The following LRRTM4 variants were observed in gnomAD, a reference collection of about 807,000 sequenced individuals.
LRRTM4 encodes the protein leucine rich repeat transmembrane neuronal 4.
LRRTM4 carries 25 observed loss-of-function variants against 47.6 expected under a neutral mutation model. The observed-to-expected ratio is 0.53, with a 90% confidence interval of 0.38 to 0.73. LRRTM4 has a LOEUF of 0.73. LRRTM4 is among the 30% of genes least tolerant of loss of function. LRRTM4 has a pLI of 0.00. For missense variants in LRRTM4, 638 were observed against 713.4 expected (o/e 0.89, Z 1.20); for synonymous variants, 311 against 269.5 (o/e 1.15, Z -1.51).
chr2:76,776,125 T>C (rs557970442), intron 3 of LRRTM4, among the ~76,000 whole-genome samples: 12 of 152,240 alleles, frequency 7.9e-5, no homozygotes, highest in Non-Finnish European at 1.6e-4. Flanking sequence ...CCACGGTGTA[T>C]ATGTCCCACA....
chr2:76,866,317 C>T (rs1163473445), intron 3 of LRRTM4, among the ~76,000 whole-genome samples: 1 of 152,166 alleles, frequency 6.6e-6, no homozygotes, highest in Non-Finnish European at 1.5e-5. Context: ...TTGAAGAGCT[C>T]GCCTACATGA....
Position 76,904,438 on chromosome 2 carries a change from C to A in LRRTM4, c.1552-155522G>T, listed in dbSNP as rs114749399. Among the ~76,000 whole-genome samples the A allele has an allele frequency of 5.3e-5, 8 of 152,244 alleles. No homozygotes were observed. In the South Asian group the frequency reaches 8.3e-4, roughly 16 times the overall value. The stretch of plus-strand genomic sequence containing the variant: ...AGGCATGTCCTATATACTGACTTTA[C>A]GCTTTACAATTCCATATATTATTAT... On this transcript the variant is annotated intron_variant, in intron 3 of 3. Coordinates refer to ENST00000409884, the MANE Select transcript of LRRTM4 (RefSeq NM_001134745.3).
intron 3 of LRRTM4, among the ~76,000 whole-genome samples, chr2:76,883,939 C>T (rs1391041234): frequency 6.6e-6 from 1 of 151,904 alleles, no homozygotes; most frequent in Non-Finnish European, 1.5e-5. Context: ...CTGCCTCAGC[C>T]TCCCTGGAAG....
At chr2:76,756,169 T>C (rs1442924306) in intron 3 of LRRTM4, among the ~76,000 whole-genome samples, 1 of 152,184 alleles carries the variant, frequency 6.6e-6, no homozygotes, top group Non-Finnish European at 1.5e-5. Context: ...TGATAATTGG[T>C]AGACTTCTTT....
intron 3 of LRRTM4, among the ~76,000 whole-genome samples, chr2:77,147,654 A>G (rs6723219): frequency 0.065 from 9,967 of 152,210 alleles, 784 homozygotes; most frequent in East Asian, 0.18. Context: ...AACATTATTA[A>G]AAGAAAAGTC....
At chr2:77,267,338 T>C (rs1164506748) in intron 3 of LRRTM4, among the ~76,000 whole-genome samples, 1 of 152,170 alleles carries the variant, frequency 6.6e-6, no homozygotes, top group Non-Finnish European at 1.5e-5. Context: ...GGCCCTCTAG[T>C]ATAAGATCAA....
At chr2:77,255,078 G>T (rs890723915) in intron 3 of LRRTM4, among the ~76,000 whole-genome samples, 10 of 151,850 alleles carry the variant, frequency 6.6e-5, no homozygotes, top group Admixed American at 3.3e-4. Context: ...TGGTTTAAAA[G>T]TAAAAGTATA....
chr2:77,456,999 T>C (rs1676572303), intron 3 of LRRTM4, among the ~76,000 whole-genome samples: 1 of 36,998 alleles, frequency 2.7e-5, no homozygotes, highest in Non-Finnish European at 5.5e-5. Context: ...TGTATGTGTG[T>C]GTGTGTATAT....
intron 3 of LRRTM4, among the ~76,000 whole-genome samples, chr2:76,845,358 G>C (rs1829288): frequency 0.065 from 9,931 of 152,118 alleles, 808 homozygotes; most frequent in African/African-American, 0.18. Context: ...CAGGCATGGT[G>C]GGGAGCACCT....
chr2:77,297,923 T>A (rs1287477911), intron 3 of LRRTM4, among the ~76,000 whole-genome samples: 1 of 152,214 alleles, frequency 6.6e-6, no homozygotes, highest in African/African-American at 2.4e-5. Context: ...AATTTTTGTT[T>A]TGTTTTTAAA....
chr2:77,284,698 A>T (rs542044585), intron 3 of LRRTM4, among the ~76,000 whole-genome samples: 2 of 152,124 alleles, frequency 1.3e-5, no homozygotes, highest in African/African-American at 4.8e-5. Flanking sequence ...TATTTCTTCA[A>T]AGTCCTTCTG....
chr2:77,097,533 T>C (rs1461987177), intron 3 of LRRTM4, among the ~76,000 whole-genome samples: 1 of 151,814 alleles, frequency 6.6e-6, no homozygotes, highest in Non-Finnish European at 1.5e-5. Context: ...ATATAATAAA[T>C]AGAAAGAAAT....
intron 3 of LRRTM4, among the ~76,000 whole-genome samples, chr2:76,840,079 C>A (rs983087087): frequency 6.6e-6 from 1 of 151,962 alleles, no homozygotes; most frequent in African/African-American, 2.4e-5. Context: ...TTTTGTGGAC[C>A]CCAATCACAG....
chr2:76,916,458 T>A (rs1674255147), intron 3 of LRRTM4, among the ~76,000 whole-genome samples: 1 of 148,116 alleles, frequency 6.8e-6, no homozygotes, highest in Non-Finnish European at 1.5e-5. Context: ...ATTACCAGCA[T>A]CTGATCATGT....
At chr2:77,276,662 T>G (rs1226219250) in intron 3 of LRRTM4, among the ~76,000 whole-genome samples, 1 of 138,670 alleles carries the variant, frequency 7.2e-6, no homozygotes, top group Non-Finnish European at 1.6e-5. Context: ...TCAGTAAATG[T>G]TCTTGTATAT....
At chr2:77,145,288 G>A (rs1254863163) in intron 3 of LRRTM4, among the ~76,000 whole-genome samples, 1 of 150,920 alleles carries the variant, frequency 6.6e-6, no homozygotes, top group Admixed American at 6.6e-5. Flanking sequence ...AGATGAAATA[G>A]TAAAAGTATA....
At chr2:76,939,559 TTAGTTGC>T (rs1476022814) in intron 3 of LRRTM4, among the ~76,000 whole-genome samples, 5 of 151,924 alleles carry the variant, frequency 3.3e-5, no homozygotes, top group Non-Finnish European at 7.4e-5. Flanking sequence ...AAACAGATTT[TTAGTTGC>T]TATCTAGTGG....
intron 3 of LRRTM4, among the ~76,000 whole-genome samples, chr2:76,953,269 C>A (rs1675557609): frequency 6.6e-6 from 1 of 151,794 alleles, no homozygotes; most frequent in Non-Finnish European, 1.5e-5. Flanking sequence ...AGACCTTTTC[C>A]CCCACAGGAA....
chr2:77,326,126 C>T (rs1411522683), intron 3 of LRRTM4, among the ~76,000 whole-genome samples: 1 of 152,188 alleles, frequency 6.6e-6, no homozygotes, highest in African/African-American at 2.4e-5. Flanking sequence ...ACAGATCTTA[C>T]TAAGTTGTCC....
Sources: allele counts gnomAD v4.1 joint callset (sites outside exome capture counted in the v4.1 genomes callset), GRCh38; gene constraint gnomAD v4.1.1; transcripts MANE v1.5; gene names NCBI Gene and HGNC (gene_info 2026-07-23, HGNC 2026-07-21).